Variants in LRBA observed in about 807,000 individuals in gnomAD.
LRBA encodes lipopolysaccharide-responsive and beige-like anchor protein.
LRBA carries 176 observed loss-of-function variants against 330.0 expected under a neutral mutation model. The ratio of observed to expected loss-of-function variants is 0.53; its 90% confidence interval spans 0.47 to 0.60. The LOEUF (loss-of-function observed/expected upper bound fraction) is 0.60. LRBA is among the 20% of genes least tolerant of loss of function. LRBA has a pLI of 0.00. For synonymous variants in LRBA, 1,230 were observed against 1,193.0 expected (o/e 1.03, Z -0.64); for missense variants, 3,259 against 3,444.8 (o/e 0.95, Z 1.35).
chr4:150,918,429 C>G (rs1269495072), intron 5 of LRBA, among the ~76,000 whole-genome samples: 1 of 152,114 alleles, frequency 6.6e-6, no homozygotes, highest in Non-Finnish European at 1.5e-5. Flanking sequence ...TTCATACCAA[C>G]TAGGATAGCT....
intron 44 of LRBA, among the ~76,000 whole-genome samples, chr4:150,452,882 G>A (rs1187484529): frequency 2.0e-5 from 3 of 152,034 alleles, no homozygotes; most frequent in African/African-American, 7.2e-5. Flanking sequence ...AGAATACAAG[G>A]TCAATTTACA....
chr4:150,330,416 G>C (rs927103602), intron 48 of LRBA, among the ~76,000 whole-genome samples: 2 of 152,098 alleles, frequency 1.3e-5, no homozygotes, highest in East Asian at 1.9e-4. Flanking sequence ...ATTTATGTCT[G>C]TCACTACAAC....
intron 2 of LRBA, among the ~76,000 whole-genome samples, chr4:150,934,839 T>C (rs1376165438): frequency 6.6e-6 from 1 of 151,820 alleles, no homozygotes; most frequent in Non-Finnish European, 1.5e-5. Flanking sequence ...CGAAACCCCG[T>C]CTCTACTAAA....
intron 53 of LRBA, 140 bp from the exon 54 acceptor site, chr4:150,286,174 G>A (rs1466078106): frequency 1.6e-6 from 1 of 635,872 alleles, no homozygotes; most frequent in South Asian, 2.0e-5. Context: ...TTTAGGACTA[G>A]ATCCAAGTTA....
At chr4:151,012,242 T>C (rs763608371) in intron 2 of LRBA, among the ~76,000 whole-genome samples, 5 of 152,192 alleles carry the variant, frequency 3.3e-5, no homozygotes, top group Non-Finnish European at 7.3e-5. Context: ...AGGTCTACAG[T>C]TCTAGGAAGC....
intron 36 of LRBA, among the ~76,000 whole-genome samples, chr4:150,732,446 C>T (rs562092636): frequency 2.5e-4 from 38 of 152,098 alleles, no homozygotes; most frequent in Non-Finnish European, 5.0e-4. Context: ...TTTCATCTCT[C>T]TTATTCACTT....
At chr4:150,396,478 T>TCA (rs1444805623) in intron 47 of LRBA, among the ~76,000 whole-genome samples, 6 of 61,216 alleles carry the variant, frequency 9.8e-5, no homozygotes, top group South Asian at 4.5e-4. Flanking sequence ...ATAAATCTCA[T>TCA]CTCACACACA....
intron 40 of LRBA, among the ~76,000 whole-genome samples, chr4:150,557,958 C>T (rs761281116): frequency 5.3e-5 from 8 of 151,904 alleles, no homozygotes; most frequent in South Asian, 4.2e-4. Flanking sequence ...AGTGTAGTGG[C>T]GCAATCTTGG....
At chr4:150,361,041 T>C (rs929360372) in intron 47 of LRBA, among the ~76,000 whole-genome samples, 4 of 152,208 alleles carry the variant, frequency 2.6e-5, no homozygotes, top group Non-Finnish European at 5.9e-5. Flanking sequence ...CATATAGCCA[T>C]AGACCACAAC....
chr4:150,320,598 G>A (rs1385120427), intron 50 of LRBA, among the ~76,000 whole-genome samples: 1 of 152,030 alleles, frequency 6.6e-6, no homozygotes, highest in Non-Finnish European at 1.5e-5. Context: ...CTTGAGGCCA[G>A]GAGTTCAAGA....
chr4:150,724,195 G>A (rs183201507), intron 36 of LRBA, among the ~76,000 whole-genome samples: 64 of 152,306 alleles, frequency 4.2e-4, no homozygotes, highest in Non-Finnish European at 8.1e-4. Context: ...GTCTAACCCA[G>A]TGCAGCCCTA....
rs573173424 is a variant in LRBA at position 150,962,599 on chromosome 4, G to A, written c.217-33534C>T. Among the ~76,000 whole-genome samples the A allele has an allele frequency of 1.5e-4, 22 of 149,214 alleles. No individual in the cohort carries two copies. In the South Asian group the frequency reaches 4.4e-3, roughly 30 times the overall value. ...TTCTGAGTAAGAAAAGCCTTTCTATGTATGATTCAAAACCCACTAACTATA... is the reference window on the plus strand; with the variant it reads ...TTCTGAGTAAGAAAAGCCTTTCTATATATGATTCAAAACCCACTAACTATA... On this transcript the variant is annotated intron_variant, in intron 2 of 56. Coordinates refer to ENST00000651943, the MANE Select transcript of LRBA (RefSeq NM_001364905.1).
At chr4:150,757,935 A>G (rs1330487330) in intron 35 of LRBA, among the ~76,000 whole-genome samples, 1 of 152,210 alleles carries the variant, frequency 6.6e-6, no homozygotes, top group Non-Finnish European at 1.5e-5. Context: ...AAGCTAAAAA[A>G]TCTCAACAGA....
At chr4:150,509,724 G>A (rs763263312) in intron 40 of LRBA, among the ~76,000 whole-genome samples, 1 of 151,886 alleles carries the variant, frequency 6.6e-6, no homozygotes, top group Admixed American at 6.6e-5. Flanking sequence ...ATTATAACAG[G>A]AATTACCAAT....
chr4:150,325,395 G>C (rs1261756821), intron 49 of LRBA, among the ~76,000 whole-genome samples: 3 of 152,032 alleles, frequency 2.0e-5, no homozygotes, highest in Non-Finnish European at 4.4e-5. Flanking sequence ...AATATCTTAT[G>C]TATTAGAATT....
intron 46 of LRBA, among the ~76,000 whole-genome samples, chr4:150,435,261 GA>G (rs775787706): frequency 6.6e-6 from 1 of 152,158 alleles, no homozygotes; most frequent in African/African-American, 2.4e-5. Flanking sequence ...TGAGGCAGAA[GA>G]ATCGCTTGAA....
chr4:150,427,703 T>C (rs942184081), intron 46 of LRBA, among the ~76,000 whole-genome samples: 3 of 152,026 alleles, frequency 2.0e-5, no homozygotes, highest in Admixed American at 6.6e-5. Context: ...CTCTAAATTA[T>C]TAAAATGGTG....
intron 34 of LRBA, among the ~76,000 whole-genome samples, chr4:150,762,768 CTT>C (rs1279445169): frequency 6.6e-6 from 1 of 151,860 alleles, no homozygotes; most frequent in Non-Finnish European, 1.5e-5. Flanking sequence ...CTCAACTGAT[CTT>C]TTTTTGTTCT....
At chr4:150,419,902 TG>T (rs1561149735) in intron 46 of LRBA, among the ~76,000 whole-genome samples, 1 of 150,324 alleles carries the variant, frequency 6.7e-6, no homozygotes, top group African/African-American at 2.4e-5. Flanking sequence ...CCTCCCAAAG[TG>T]CTGGGATTAC....
Sources: gnomAD v4.1 joint callset for allele counts (sites outside exome capture counted in the v4.1 genomes callset) on GRCh38, gnomAD v4.1.1 for gene constraint, MANE v1.5 for transcripts, NCBI Gene and HGNC (gene_info 2026-07-23, HGNC 2026-07-21) for gene names.